DOCK9: variants seen among roughly 807,000 people sequenced by gnomAD.
DOCK9 encodes dedicator of cytokinesis 9.
In DOCK9, 89 loss-of-function variants were observed where a neutral mutation model predicts 263.3. The ratio of observed to expected loss-of-function variants is 0.34; its 90% CI spans 0.28 to 0.40. The LOEUF (loss-of-function observed/expected upper bound fraction) is 0.40. DOCK9 is among the 10% of genes least tolerant of loss of function. The pLI is 1.00. For missense variants in DOCK9, 2,140 were observed against 2,603.4 expected (o/e 0.82, Z 3.87); for synonymous variants, 976 against 973.1 (o/e 1.00, Z -0.06).
chr13:99,032,277 C>T (rs1887425352), intron 1 of DOCK9, among the ~76,000 whole-genome samples: 1 of 152,084 alleles, frequency 6.6e-6, no homozygotes, highest in Non-Finnish European at 1.5e-5. Context: ...TCGAAACCAG[C>T]CTGGGCAACA....
intron 18 of DOCK9, among the ~76,000 whole-genome samples, chr13:98,887,813 G>A (rs1408880822): frequency 6.6e-6 from 1 of 151,842 alleles, no homozygotes; most frequent in Non-Finnish European, 1.5e-5. Context: ...TTGTTGATCA[G>A]TTATTATTAT....
chr13:98,881,446 G>A (rs2044744585), intron 25 of DOCK9, 112 bp downstream of exon 25: 3 of 810,382 alleles, frequency 3.7e-6, no homozygotes, highest in African/African-American at 1.7e-5. Flanking sequence ...AGAAGAGAAA[G>A]CATACGTTAC....
At chr13:98,949,742 G>GA (rs2057180685) in intron 2 of DOCK9, 2 of 336,202 alleles carry the variant, frequency 5.9e-6, no homozygotes, top group African/African-American at 2.2e-5. Context: ...TGGATGAGCT[G>GA]ATTGATGTGT....
chr13:98,876,366 C>T (rs2043853362), intron 27 of DOCK9, among the ~76,000 whole-genome samples: 1 of 152,198 alleles, frequency 6.6e-6, no homozygotes, highest in Non-Finnish European at 1.5e-5. Context: ...TAGCGCATGA[C>T]TGTAATCTCA....
At chr13:99,019,795 T>G (rs771890657) in intron 1 of DOCK9, among the ~76,000 whole-genome samples, 10 of 152,092 alleles carry the variant, frequency 6.6e-5, no homozygotes, top group Non-Finnish European at 1.2e-4. Context: ...ATCTCAAAGC[T>G]GCTATTAAGA....
chr13:99,013,398 A>G (rs547189112), intron 1 of DOCK9, among the ~76,000 whole-genome samples: 1 of 152,326 alleles, frequency 6.6e-6, no homozygotes, highest in African/African-American at 2.4e-5. Context: ...TACAGGCGTG[A>G]GCCACCACAC....
Position 98,894,701 on chromosome 13 carries a change from TATG to T in DOCK9, c.1709+2784_1709+2786del. Among the ~76,000 whole-genome samples, 2 of 152,004 alleles carry T rather than the reference TATG, an allele frequency of 1.3e-5. 1 individual carries two copies. Among genetic ancestry groups the T allele is most frequent in the Middle Eastern group, 6.8e-3 (2 of 294 alleles). ...ACTCAAAAAATGACAATAATTACTA[TATG>T]ATAATATAGTATGTATGATAATATA... On this transcript the variant is annotated intron_variant, in intron 15 of 52. Coordinates refer to ENST00000682017, the MANE Select transcript of DOCK9 (RefSeq NM_001366683.2).
intron 38 of DOCK9, among the ~76,000 whole-genome samples, chr13:98,839,473 A>G (rs1421360379): frequency 1.3e-5 from 2 of 152,220 alleles, no homozygotes; most frequent in Non-Finnish European, 1.5e-5. Context: ...AAGAAATACA[A>G]CACCTGTTAT....
At chr13:98,814,406 C>CTTTTTTT (rs36080691) in intron 45 of DOCK9, among the ~76,000 whole-genome samples, 1 of 139,128 alleles carries the variant, frequency 7.2e-6, no homozygotes, top group East Asian at 2.2e-4. Flanking sequence ...AGAAGTACGT[C>CTTTTTTT]TTTTTTTTTT....
At chr13:98,889,215 A>T (rs1466669483) in intron 15 of DOCK9, among the ~76,000 whole-genome samples, 1 of 152,186 alleles carries the variant, frequency 6.6e-6, no homozygotes, top group Non-Finnish European at 1.5e-5. Flanking sequence ...CAGTAGAATG[A>T]TACAATGAAC....
rs761429510 is a variant in DOCK9, at chr13:98,794,391, T to C, written c.*235A>G. On this transcript the variant is annotated 3_prime_UTR_variant, in exon 53 of 53. Coordinates refer to ENST00000682017, the MANE Select transcript of DOCK9 (RefSeq NM_001366683.2). ...CCAGCTCAAGAGTGTCTACCACACC[T>C]TTGTTAAGACACAATGAAAACTTTG... 20 of 545,558 alleles carry C rather than the reference T, an allele frequency of 3.7e-5. No homozygotes were observed. Among genetic ancestry groups the C allele is most frequent in the Non-Finnish European group, 6.4e-5 (20 of 312,060 alleles). 33.8% of individuals were successfully genotyped at this position (545,558 alleles called of 1,614,324 possible).
intron 1 of DOCK9, among the ~76,000 whole-genome samples, chr13:98,965,992 T>C (rs1450485221): frequency 1.3e-5 from 2 of 152,130 alleles, no homozygotes; most frequent in Non-Finnish European, 2.9e-5. Flanking sequence ...CAATAGCACC[T>C]GAAATAGGTA....
chr13:98,836,196 G>A (rs1327820511), intron 39 of DOCK9, among the ~76,000 whole-genome samples: 2 of 152,132 alleles, frequency 1.3e-5, no homozygotes, highest in Admixed American at 1.3e-4. Flanking sequence ...CTGCTCTGCA[G>A]CTCCAGAATT....
At chr13:99,083,493 G>C (rs755584346) in intron 1 of DOCK9, among the ~76,000 whole-genome samples, 3 of 152,050 alleles carry the variant, frequency 2.0e-5, no homozygotes, top group Non-Finnish European at 4.4e-5. Flanking sequence ...ATGATATAAG[G>C]CCTGGGACTC....
rs374603333 is a variant in DOCK9, at chr13:98,977,770, C to T, written c.126+14G>A. ...TGGGTAGACACAGCAACACTTTGTA[C>T]GAGACCCTCTTACCGGCACAGGGCC... On this transcript the variant is annotated intron_variant, in intron 1 of 52. Coordinates refer to ENST00000682017, the MANE Select transcript of DOCK9 (RefSeq NM_001366683.2). 9 of 1,610,854 alleles carry T rather than the reference C, an allele frequency of 5.6e-6. No individual in the cohort carries two copies. In the African/African-American group the frequency reaches 6.7e-5, roughly 12 times the overall value.
intron 2 of DOCK9, among the ~76,000 whole-genome samples, chr13:98,936,202 A>G (rs2054798092): frequency 6.6e-6 from 1 of 151,974 alleles, no homozygotes; most frequent in Non-Finnish European, 1.5e-5. Context: ...CCACCCCGAG[A>G]CCTGTCTGAA....
intron 49 of DOCK9, among the ~76,000 whole-genome samples, chr13:98,803,216 A>G (rs1178724288): frequency 4.6e-5 from 7 of 152,234 alleles, no homozygotes; most frequent in Admixed American, 4.6e-4. Context: ...GTTCCCGCAG[A>G]TACAGAGCAT....
intron 2 of DOCK9, among the ~76,000 whole-genome samples, chr13:98,931,550 G>A (rs894030073): frequency 7.3e-5 from 11 of 151,448 alleles, no homozygotes; most frequent in African/African-American, 1.9e-4. Flanking sequence ...TGCCCACCTC[G>A]GCCTCCCAAA....
intron 1 of DOCK9, among the ~76,000 whole-genome samples, chr13:99,056,666 G>T (rs1312442200): frequency 2.0e-5 from 3 of 152,190 alleles, no homozygotes; most frequent in African/African-American, 7.2e-5. Flanking sequence ...TAAATTTAAT[G>T]GAGAGTACAC....
Sources: gnomAD v4.1 joint callset for allele counts (sites outside exome capture counted in the v4.1 genomes callset) on GRCh38, gnomAD v4.1.1 for gene constraint, MANE v1.5 for transcripts, NCBI Gene and HGNC (gene_info 2026-07-23, HGNC 2026-07-21) for gene names.